Variants in HPX observed in about 807,000 individuals in gnomAD.
The protein encoded by HPX is hemopexin, also known as beta-1B-glycoprotein.
HPX carries 42 observed loss-of-function variants against 53.8 expected under a neutral mutation model. That is an observed-to-expected ratio of 0.78 (90% CI 0.61 to 1.01). The LOEUF is 1.01. HPX is among the 50% of genes least tolerant of loss of function. The probability of loss-of-function intolerance (pLI) is 0.00; values close to 1 mark genes in which losing one functional copy is unlikely to be tolerated. For missense variants in HPX, 547 were observed against 594.3 expected (o/e 0.92, Z 0.83); for synonymous variants, 229 against 221.1 (o/e 1.04, Z -0.32).
At chr11:6,440,126 G>GC in intron 4 of HPX, 39 bp downstream of exon 4, 1 of 1,613,446 alleles carries the variant, frequency 6.2e-7, no homozygotes, top group African/African-American at 1.3e-5. Flanking sequence ...GTCGATTCCA[G>GC]CCCTTTCCAG....
chr11:6,431,564 C>G (rs879362819), intron 9 of HPX, 77 bp downstream of exon 9: 258 of 1,606,382 alleles, frequency 1.6e-4, no homozygotes, highest in Non-Finnish European at 2.1e-4. Flanking sequence ...CCTAGGCCTT[C>G]TCATGCCCTG....
intron 5 of HPX, chr11:6,438,053 G>A (rs1849439055): frequency 4.0e-6 from 2 of 503,626 alleles, no homozygotes; most frequent in East Asian, 3.3e-5. Flanking sequence ...AAGCTGAAGG[G>A]CCAATAGGGA....
At position 6,438,371 on chromosome 11, in the gene HPX, C is replaced by G; in HGVS notation, c.475G>C (p.Val159Leu). ...CHRGECQAEG[V>L]LFFQGDREWF... ...CTGGACTGACCTTGGAAGAAGAGGA[C>G]GCCTTCAGCTTGACATTCTCCACGG... is the stretch of plus-strand genomic sequence containing the variant. Residue 159 changes from valine to leucine, a missense_variant, in exon 5 of 10, where the codon GTC becomes CTC. Physicochemically the swap from Val to Leu is conservative, Grantham distance 32. Coordinates refer to ENST00000265983, the MANE Select transcript of HPX (RefSeq NM_000613.3). 6.2e-7 allele frequency: 1 copy of G among 1,614,156 alleles called. No homozygotes were observed. The highest frequency in any genetic ancestry group is 1.1e-5 in the South Asian group (1 of 91,072).
chr11:6,438,655 G>C, intron 4 of HPX, 146 bp from the exon 5 acceptor site: 1 of 731,066 alleles, frequency 1.4e-6, no homozygotes, highest in Non-Finnish European at 2.3e-6. Flanking sequence ...ACAATGTGCT[G>C]TCCTTTTGCA....
chr11:6,439,038 A>G (rs1849452943), intron 4 of HPX, among the ~76,000 whole-genome samples: 1 of 151,966 alleles, frequency 6.6e-6, no homozygotes, highest in African/African-American at 2.4e-5. Context: ...TGCACTGAGA[A>G]TATAGACAGA....
At position 6,432,012 on chromosome 11, in the gene HPX, G is replaced by C. The variant is rs756747482; in HGVS notation, c.841C>G (p.His281Asp). The change falls in exon 8 of 10, where the codon CAC becomes GAC. Residue 281 changes from histidine (H) to aspartate (D), a missense_variant. Transcript: ENST00000265983. ...CGGCTGGTGTCCAGACGCCAGTAGTGGGTCCCTGTGGAATACCATAGGTTG... is the reference window on the plus strand; with the variant it reads ...CGGCTGGTGTCCAGACGCCAGTAGTCGGTCCCTGTGGAATACCATAGGTTG... ...HGATYAFSGT[H>D]YWRLDTSRDG... 6.2e-7 allele frequency: 1 copy of C among 1,614,166 alleles called. No homozygotes were observed. Among genetic ancestry groups the C allele is most frequent in the South Asian group, 1.1e-5 (1 of 91,076 alleles).
intron 5 of HPX, 89 bp from the exon 6 acceptor site, chr11:6,437,741 G>T: frequency 1.1e-6 from 1 of 939,542 alleles, no homozygotes; most frequent in Non-Finnish European, 1.7e-6. Flanking sequence ...GCCAGATAAT[G>T]GTACTGACCA....
chr11:6,437,232 G>T, intron 6 of HPX, 55 bp from the exon 7 acceptor site: 1 of 1,571,318 alleles, frequency 6.4e-7, no homozygotes, highest in Non-Finnish European at 8.7e-7. Context: ...GTCAGAGTGA[G>T]GTCCAAGGTG....
In HPX at chr11:6,440,304, C is replaced by T. The variant is rs551042281; in HGVS notation, c.215-18G>A. On this transcript the variant is annotated intron_variant, in intron 3 of 9. Coordinates refer to ENST00000265983, the MANE Select transcript of HPX (RefSeq NM_000613.3). The stretch of plus-strand genomic sequence containing the variant: ...AAACTCCCCTGAAAAAACCCACACT[C>T]ACTGAGGGGCCCAGTGAGAAACCTT... 13 of 1,613,636 alleles carry T rather than the reference C, an allele frequency of 8.1e-6. No homozygotes were observed. The highest frequency in any genetic ancestry group is 6.6e-5 in the South Asian group (6 of 91,058).
At chr11:6,437,706 G>A in intron 5 of HPX, 54 bp from the exon 6 acceptor site, 1 of 1,451,712 alleles carries the variant, frequency 6.9e-7, no homozygotes, top group Non-Finnish European at 9.6e-7. Context: ...GCCCTCCTTT[G>A]TGCTTTCTCT....
intron 7 of HPX, 55 bp downstream of exon 7, chr11:6,436,991 G>A (rs1849424936): frequency 6.3e-7 from 1 of 1,586,310 alleles, no homozygotes. Flanking sequence ...AAGGATGGGA[G>A]ATACAAGTAA....
chr11:6,438,537 C>A lies in HPX; in HGVS notation c.337-28G>T, dbSNP rs778895514. The A allele has an allele frequency of 1.9e-6, 3 of 1,608,040 alleles. No individual in the cohort carries two copies. In the South Asian group the frequency reaches 3.3e-5, roughly 18 times the overall value. On this transcript the variant is annotated intron_variant, in intron 4 of 9. Transcript: ENST00000265983. ...GCATTCAAAAGTACTCTCTTTTTGA[C>A]TGTGCATCCCCAGATACTGCCACTC...
chr11:6,439,486 T>A (rs1164713925), intron 4 of HPX: 4 of 152,530 alleles, frequency 2.6e-5, no homozygotes, highest in African/African-American at 9.7e-5. Context: ...GCTCAGAAAG[T>A]AGATCTAGAT....
rs760095170 is a variant in HPX, at chr11:6,431,316, G to T, written c.1284C>A (p.Ile428=). The T allele has an allele frequency of 3.7e-6, 6 of 1,614,144 alleles. No individual in the cohort carries two copies. Among genetic ancestry groups the T allele is most frequent in the Non-Finnish European group, 4.2e-6 (5 of 1,180,056 alleles). Residue 428 remains isoleucine, a synonymous_variant, in exon 10 of 10, where the codon ATC becomes ATA. Transcript: ENST00000265983. ...CSANGPGLYL[I]HGPNLYCYSD... The stretch of plus-strand genomic sequence containing the variant: ...TGTAGCAGTACAAATTGGGACCATG[G>T]ATGAGGTACAAGCCGGGACCATTGG...
chr11:6,438,153 A>C (rs1020659930), intron 5 of HPX: 1 of 623,566 alleles, frequency 1.6e-6, no homozygotes, highest in Non-Finnish European at 2.8e-6. Flanking sequence ...TTCACACAGA[A>C]TTACACACAG....
chr11:6,432,374 A>G (rs1308249504), intron 7 of HPX: 3 of 222,464 alleles, frequency 1.3e-5, no homozygotes, highest in African/African-American at 2.3e-5. Flanking sequence ...GAACTTAAAA[A>G]GGAAGCACCA....
Position 6,440,887 on chromosome 11 carries a change from A to G in HPX, c.77T>C (p.Leu26Pro). Reference protein sequence around the residue: ...LCWSLAIATPLPPTSAHGNVA... With the variant: ...LCWSLAIATPPPPTSAHGNVA... ...TAGTCCCAGCTTTACTCACGGAGGA[A>G]GAGGGGTGGCAATGGCCAGAGACCA... Residue 26 changes from leucine (L) to proline (P), a missense_variant, in exon 1 of 10, where the codon CTT becomes CCT. Physicochemically the swap from Leu to Pro is moderately conservative, Grantham distance 98 (BLOSUM62 -3). Transcript: ENST00000265983. The G allele has an allele frequency of 6.2e-7, 1 of 1,613,350 alleles. No homozygotes were observed. The highest frequency in any genetic ancestry group is 8.5e-7 in the Non-Finnish European group (1 of 1,179,556).
Position 6,438,499 on chromosome 11 carries a change from A to G in HPX, c.347T>C (p.Val116Ala). 1 of 1,613,998 alleles carries G rather than the reference A, an allele frequency of 6.2e-7. No homozygotes were observed. Among genetic ancestry groups the G allele is most frequent in the Non-Finnish European group, 8.5e-7 (1 of 1,179,902 alleles). ...CTTCTTTTCAGGAGGGTATACCCAGACTTTGTCCCCCTGCATTCAAAAGTA... is the reference window on the plus strand; with the variant it reads ...CTTCTTTTCAGGAGGGTATACCCAGGCTTTGTCCCCCTGCATTCAAAAGTA... ...NSVFLIKGDK[V>A]WVYPPEKKEK... The change falls in exon 5 of 10, where the codon GTC becomes GCC. Residue 116 changes from valine (V) to alanine (A), a missense_variant. Val to Ala is a moderately conservative substitution (Grantham distance 64). Transcript: ENST00000265983.
At chr11:6,432,060 C>T (rs771203896) in intron 7 of HPX, 43 bp from the exon 8 acceptor site, 1 of 1,611,840 alleles carries the variant, frequency 6.2e-7, no homozygotes, top group Non-Finnish European at 8.5e-7. Flanking sequence ...TGGCAGAAGC[C>T]CAGGCAGAGA....
Sources: gnomAD v4.1 joint callset for allele counts (sites outside exome capture counted in the v4.1 genomes callset) on GRCh38, gnomAD v4.1.1 for gene constraint, MANE v1.5 for transcripts, NCBI Gene and HGNC (gene_info 2026-07-23, HGNC 2026-07-21) for gene names.